Variants in GALNT13 observed in about 807,000 individuals in gnomAD.
GALNT13 encodes UDP-GalNAc:polypeptide N-acetylgalactosaminyltransferase 13.
GALNT13 carries 28 observed loss-of-function variants against 64.2 expected under a neutral mutation model. The observed-to-expected ratio is 0.44, with a 90% CI of 0.32 to 0.60. GALNT13 has a LOEUF of 0.60. Among genes scored for constraint, GALNT13 ranks in the 20% least tolerant of loss-of-function variants. The probability of loss-of-function intolerance (pLI) is 0.05; values close to 1 mark genes in which losing one functional copy is unlikely to be tolerated. For missense variants in GALNT13, 577 were observed against 669.8 expected (o/e 0.86, Z 1.53); for synonymous variants, 214 against 224.6 (o/e 0.95, Z 0.42).
chr2:153,884,937 G>A (rs72862097), intron 1 of GALNT13, among the ~76,000 whole-genome samples: 10,631 of 148,168 alleles, frequency 0.072, 449 homozygotes, highest in Middle Eastern at 0.13. Flanking sequence ...TACTCAGGAG[G>A]CTGAAGGAAG....
At chr2:153,712,971 A>G in the GALNT13 span, among the ~76,000 whole-genome samples, 5 of 152,320 alleles carry the variant, frequency 3.3e-5, no homozygotes, top group Middle Eastern at 6.8e-3. Flanking sequence ...GTAAAAGAAT[A>G]AGTGGAGTCC....
At chr2:153,500,588 C>A in the GALNT13 span, among the ~76,000 whole-genome samples, 1 of 152,182 alleles carries the variant, frequency 6.6e-6, no homozygotes, top group Non-Finnish European at 1.5e-5. Context: ...TTCTTCTGAG[C>A]TGCAGTTAGA....
intron 9 of GALNT13, among the ~76,000 whole-genome samples, chr2:154,334,808 A>C (rs957974339): frequency 6.6e-6 from 1 of 152,026 alleles, no homozygotes; most frequent in African/African-American, 2.4e-5. Context: ...TAACAGCCAG[A>C]GTGATTCATT....
chr2:153,733,851 T>A, the GALNT13 span, among the ~76,000 whole-genome samples: 1 of 152,190 alleles, frequency 6.6e-6, no homozygotes. Context: ...CAGCCTTTAG[T>A]GGATTTTCCA....
At chr2:153,912,879 T>C (rs1376892529) in intron 2 of GALNT13, among the ~76,000 whole-genome samples, 1 of 152,218 alleles carries the variant, frequency 6.6e-6, no homozygotes, top group Admixed American at 6.5e-5. Context: ...GAATCTATCC[T>C]CATTTGCATG....
the GALNT13 span, among the ~76,000 whole-genome samples, chr2:153,246,777 G>A: frequency 6.6e-6 from 1 of 152,152 alleles, no homozygotes; most frequent in African/African-American, 2.4e-5. Context: ...ATGATGAAAG[G>A]ATCAAATTCA....
intron 9 of GALNT13, among the ~76,000 whole-genome samples, chr2:154,338,786 T>C (rs1695595586): frequency 6.6e-6 from 1 of 152,004 alleles, no homozygotes; most frequent in Admixed American, 6.6e-5. Context: ...GAGAGCCCTA[T>C]AGAGAAGGGT....
chr2:154,386,893 A>C (rs1698539405), intron 9 of GALNT13, among the ~76,000 whole-genome samples: 1 of 152,116 alleles, frequency 6.6e-6, no homozygotes, highest in Admixed American at 6.6e-5. Context: ...CAGCCTCAAG[A>C]CCTGCTGTAA....
chr2:154,446,855 G>T, intron 12 of GALNT13: 1 of 1,307,106 alleles, frequency 7.7e-7, no homozygotes, highest in Non-Finnish European at 1.0e-6. Flanking sequence ...ATGTGGTTAA[G>T]AAAAATTTGT....
the GALNT13 span, among the ~76,000 whole-genome samples, chr2:153,257,444 G>A: frequency 6.6e-6 from 1 of 152,058 alleles, no homozygotes; most frequent in Non-Finnish European, 1.5e-5. Flanking sequence ...CTGTAGACCT[G>A]AGCTGTTCCT....
chr2:153,211,097 AT>A, the GALNT13 span, among the ~76,000 whole-genome samples: 7 of 152,056 alleles, frequency 4.6e-5, no homozygotes, highest in Non-Finnish European at 1.0e-4. Context: ...TAAGAAATAC[AT>A]TTAGTATAGC....
At chr2:154,167,466 A>T (rs1019429939) in intron 4 of GALNT13, among the ~76,000 whole-genome samples, 4 of 152,222 alleles carry the variant, frequency 2.6e-5, no homozygotes, top group Admixed American at 2.6e-4. Flanking sequence ...GAAAGGCTAA[A>T]AAAAAGGCAG....
the GALNT13 span, among the ~76,000 whole-genome samples, chr2:153,723,325 T>A: frequency 6.6e-6 from 1 of 150,684 alleles, no homozygotes; most frequent in Non-Finnish European, 1.5e-5. Context: ...GAGCTATCTA[T>A]GACAAACCCA....
the GALNT13 span, among the ~76,000 whole-genome samples, chr2:153,765,210 C>G: frequency 6.6e-6 from 1 of 152,202 alleles, no homozygotes; most frequent in South Asian, 2.1e-4. Context: ...CCACTGACAG[C>G]TTTCACTGCA....
At chr2:153,110,565 G>A in the GALNT13 span, among the ~76,000 whole-genome samples, 3 of 152,166 alleles carry the variant, frequency 2.0e-5, no homozygotes, top group South Asian at 2.1e-4. Flanking sequence ...AGGAGCTTTT[G>A]TTCCTAACTC....
the GALNT13 span, among the ~76,000 whole-genome samples, chr2:153,602,653 G>A: frequency 6.6e-6 from 1 of 151,742 alleles, no homozygotes; most frequent in African/African-American, 2.4e-5. Context: ...GTGAGCAAAG[G>A]GAGAGAGTTA....
At chr2:153,258,909 G>A in the GALNT13 span, among the ~76,000 whole-genome samples, 2 of 152,308 alleles carry the variant, frequency 1.3e-5, no homozygotes, top group Admixed American at 1.3e-4. Context: ...CTGAGGAGAA[G>A]AATGTTTATT....
At chr2:153,273,215 T>C in the GALNT13 span, among the ~76,000 whole-genome samples, 1 of 152,156 alleles carries the variant, frequency 6.6e-6, no homozygotes, top group Non-Finnish European at 1.5e-5. Flanking sequence ...CACCATGTCA[T>C]GTGTATACCT....
chr2:154,017,672 G>A (rs967727751), intron 3 of GALNT13, among the ~76,000 whole-genome samples: 1 of 152,016 alleles, frequency 6.6e-6, no homozygotes, highest in African/African-American at 2.4e-5. Context: ...TATTCGTATC[G>A]CTCTGGCAAA....
Sources: allele counts gnomAD v4.1 joint callset (sites outside exome capture counted in the v4.1 genomes callset), GRCh38; gene constraint gnomAD v4.1.1; transcripts MANE v1.5; gene names NCBI Gene and HGNC (gene_info 2026-07-23, HGNC 2026-07-21).